ESF1: variants seen among roughly 807,000 people sequenced by gnomAD.
The protein encoded by ESF1 is ESF1 nucleolar pre-rRNA processing protein, also known as ESF1 homolog.
A neutral mutation model predicts 92.0 loss-of-function variants in ESF1; 58 were observed. The observed-to-expected ratio is 0.63, with a 90% CI of 0.51 to 0.78. The LOEUF is 0.78. ESF1 is among the 30% of genes least tolerant of loss of function. ESF1 has a pLI of 0.00. For missense variants in ESF1, 922 were observed against 989.1 expected, an observed-to-expected ratio of 0.93 and a Z score of 0.91; for synonymous variants, 321 against 313.7, an observed-to-expected ratio of 1.02 and a Z score of -0.24.
rs371747175 is a variant in ESF1, at chr20:13,772,574, C to T, written c.1191G>A (p.Glu397=). Residue 397 remains glutamate, a synonymous_variant, in exon 5 of 14, where the codon GAG becomes GAA. Coordinates refer to ENST00000617257, the MANE Select transcript of ESF1 (RefSeq NM_001276380.2). ...ATAGCTCTACTGGTCCTTGAACTTG[C>T]TCTTCCTTCATCCTCTCCTTTCCAA... The part of the protein sequence containing the change: ...SEFGKERMKE[E]QVQGPVELLS... 3 of 1,612,980 alleles carry T rather than the reference C, an allele frequency of 1.9e-6. No individual in the cohort carries two copies. The highest frequency in any genetic ancestry group is 2.5e-6 in the Non-Finnish European group (3 of 1,179,508).
At chr20:13,718,499 A>T (rs1033040909) in intron 12 of ESF1, among the ~76,000 whole-genome samples, 4 of 152,208 alleles carry the variant, frequency 2.6e-5, no homozygotes, top group Non-Finnish European at 5.9e-5. Context: ...TAAGAAAAAC[A>T]GAAATTTGCA....
chr20:13,717,571 A>G lies in ESF1; in HGVS notation c.2116-57T>C, dbSNP rs1033822779. 4 of 1,594,026 alleles carry G rather than the reference A, an allele frequency of 2.5e-6. No individual in the cohort carries two copies. In the East Asian group the frequency reaches 8.9e-5, roughly 36 times the overall value. On this transcript the variant is annotated intron_variant, in intron 12 of 13. Transcript: ENST00000617257. ...AACAGTGCTTTTTTTTCCACCCCCA[A>G]AAAGGAGTATAGGGCAGAAGATATC...
chr20:13,765,760 A>C (rs765344114), intron 8 of ESF1, among the ~76,000 whole-genome samples: 3 of 152,222 alleles, frequency 2.0e-5, no homozygotes, highest in Non-Finnish European at 2.9e-5. Flanking sequence ...TAAACCAACC[A>C]AAGTAAATTA....
chr20:13,717,633 G>A lies in ESF1; in HGVS notation c.2116-119C>T. ...GGAAGACTCAATCACTAGAACTCTGGGGTACCACCTGTTGTCTGTAAACTG... is the reference window on the plus strand; with the variant it reads ...GGAAGACTCAATCACTAGAACTCTGAGGTACCACCTGTTGTCTGTAAACTG... On this transcript the variant is annotated intron_variant, in intron 12 of 13. Coordinates refer to ENST00000617257, the MANE Select transcript of ESF1 (RefSeq NM_001276380.2). 4 of 1,069,966 alleles carry A rather than the reference G, an allele frequency of 3.7e-6. No homozygotes were observed. The South Asian group carries it at 6.3e-5, about 17-fold the overall frequency. 66.3% of individuals were successfully genotyped at this position (1,069,966 alleles called of 1,614,324 possible). A position where few individuals can be genotyped will look rare whatever the true frequency, so the allele number is the denominator to read the frequency against.
Position 13,733,956 on chromosome 20 carries a change from A to G in ESF1, c.1829-114T>C. ...ATGCATATTTAATAGAGTAACAAAG[A>G]TAACATGCAATGGTAAATATCTGTA... On this transcript the variant is annotated intron_variant, in intron 9 of 13. Transcript: ENST00000617257. 4 of 1,226,488 alleles carry G rather than the reference A, an allele frequency of 3.3e-6. No homozygotes were observed. The South Asian group carries it at 5.7e-5, about 17-fold the overall frequency. The allele number at this position is 1,226,488 out of a possible 1,614,324, so 76.0% of individuals were successfully genotyped here. A position where few individuals can be genotyped will look rare whatever the true frequency, so the allele number is the denominator to read the frequency against.
intron 8 of ESF1, 39 bp downstream of exon 8, chr20:13,766,738 A>G: frequency 6.2e-7 from 1 of 1,603,346 alleles, no homozygotes; most frequent in Non-Finnish European, 8.5e-7. Flanking sequence ...ACTGCCAAAG[A>G]CCTATGTCCA....
intron 9 of ESF1, among the ~76,000 whole-genome samples, chr20:13,741,503 C>T (rs572313561): frequency 1.3e-5 from 2 of 152,120 alleles, no homozygotes; most frequent in African/African-American, 4.8e-5. Flanking sequence ...ACCCACAGTT[C>T]TGAAACTCTG....
chr20:13,774,659 T>C (rs966836648), intron 4 of ESF1, among the ~76,000 whole-genome samples: 2 of 152,232 alleles, frequency 1.3e-5, no homozygotes, highest in African/African-American at 2.4e-5. Flanking sequence ...AACCCAGGTC[T>C]GCAATAATGC....
At chr20:13,752,082 C>A (rs1250018413) in intron 9 of ESF1, among the ~76,000 whole-genome samples, 1 of 152,134 alleles carries the variant, frequency 6.6e-6, no homozygotes, top group Non-Finnish European at 1.5e-5. Context: ...TCAAGAAGCA[C>A]TGAGAAAATT....
Position 13,733,771 on chromosome 20 carries a change from G to A in ESF1, c.1900C>T (p.Gln634Ter). 1 of 1,612,408 alleles carries A rather than the reference G, an allele frequency of 6.2e-7. No homozygotes were observed. Among genetic ancestry groups the A allele is most frequent in the Non-Finnish European group, 8.5e-7 (1 of 1,179,560 alleles). ...TTCTCTTTCTTCTTCTCTAAAAATT[G>A]TTCCCAAGGGGTCAGTTTATCCTTT... ...EGKDKLTPWEQFLEKKKEKKR... is the reference protein window; with the variant it reads ...EGKDKLTPWE Residue 634 changes from glutamine to a stop codon, truncating the protein, a stop_gained, in exon 10 of 14, where the codon CAA becomes TAA. Coordinates refer to ENST00000617257, the MANE Select transcript of ESF1 (RefSeq NM_001276380.2). LOFTEE classifies it high-confidence loss of function.
At chr20:13,715,227 AG>A in intron 13 of ESF1, 60 bp from the exon 14 acceptor site, 7 of 1,409,662 alleles carry the variant, frequency 5.0e-6, no homozygotes, top group Non-Finnish European at 6.5e-6. Flanking sequence ...CTAAAGCAAA[AG>A]GCCAGAAATG....
intron 11 of ESF1, among the ~76,000 whole-genome samples, chr20:13,722,815 C>T (rs1387256522): frequency 6.6e-6 from 1 of 151,438 alleles, no homozygotes; most frequent in Non-Finnish European, 1.5e-5. Flanking sequence ...AATAGCACCA[C>T]TGTGCACTCC....
intron 9 of ESF1, among the ~76,000 whole-genome samples, chr20:13,737,507 T>C (rs1675476750): frequency 6.6e-6 from 1 of 152,200 alleles, no homozygotes; most frequent in Admixed American, 6.5e-5. Flanking sequence ...AAAAACAAAA[T>C]GTATATTTAA....
intron 1 of ESF1, among the ~76,000 whole-genome samples, chr20:13,783,878 T>C (rs954934731): frequency 1.1e-4 from 17 of 152,224 alleles, no homozygotes; most frequent in African/African-American, 3.6e-4. Context: ...CTTCACATTC[T>C]GGTCTCATTC....
rs1386482235 is a variant in ESF1 at position 13,784,888 on chromosome 20, G to GC, written c.-53_-52insG. 3.2e-6 allele frequency: 2 copies of GC among 619,638 alleles called. No homozygotes were observed. Among genetic ancestry groups the GC allele is most frequent in the African/African-American group, 3.7e-5 (2 of 54,280 alleles). 38.4% of individuals were successfully genotyped at this position (619,638 alleles called of 1,614,324 possible). A position where few individuals can be genotyped will look rare whatever the true frequency, so the allele number is the denominator to read the frequency against. ...AGTCCATCCCCACTCACCGTCCGCA[G>GC]TCCTACCAAGCCTCACGTGGGGCTC... On this transcript the variant is annotated 5_prime_UTR_variant, in exon 1 of 14. Transcript: ENST00000617257.
chr20:13,768,906 A>G (rs1979555311), intron 7 of ESF1, among the ~76,000 whole-genome samples: 1 of 151,452 alleles, frequency 6.6e-6, no homozygotes, highest in African/African-American at 2.4e-5. Flanking sequence ...TCAAAAAAAA[A>G]AAAAAAAGAA....
chr20:13,751,825 T>C (rs1280192589), intron 9 of ESF1, among the ~76,000 whole-genome samples: 1 of 151,870 alleles, frequency 6.6e-6, no homozygotes, highest in Non-Finnish European at 1.5e-5. Context: ...TGAAACCCTG[T>C]CTCTACAAAA....
At chr20:13,744,235 T>C (rs2050033646) in intron 9 of ESF1, among the ~76,000 whole-genome samples, 1 of 152,194 alleles carries the variant, frequency 6.6e-6, no homozygotes, top group African/African-American at 2.4e-5. Flanking sequence ...ACACTTCTGT[T>C]CTTCAAAAGA....
At chr20:13,743,835 T>C (rs2050030919) in intron 9 of ESF1, among the ~76,000 whole-genome samples, 1 of 152,228 alleles carries the variant, frequency 6.6e-6, no homozygotes. Flanking sequence ...TATCACGTAG[T>C]AATCATTACA....
Sources: allele counts gnomAD v4.1 joint callset (sites outside exome capture counted in the v4.1 genomes callset), GRCh38; gene constraint gnomAD v4.1.1; transcripts MANE v1.5; gene names NCBI Gene and HGNC (gene_info 2026-07-23, HGNC 2026-07-21).